FNBP4: variants seen among roughly 807,000 people sequenced by gnomAD.
FNBP4 encodes the protein formin binding protein 4, also known as formin-binding protein 4.
A neutral mutation model predicts 119.3 loss-of-function variants in FNBP4; 34 were observed. The observed-to-expected ratio is 0.28, with a 90% CI of 0.22 to 0.38. The LOEUF (loss-of-function observed/expected upper bound fraction) is 0.38, where lower values mean the gene tolerates loss of function less well. Ranked by LOEUF, FNBP4 falls within the 10% of genes least tolerant of loss-of-function variation. The probability of loss-of-function intolerance (pLI) is 1.00; values close to 1 mark genes in which losing one functional copy is unlikely to be tolerated. For missense variants in FNBP4, 1,112 were observed against 1,228.9 expected (o/e 0.90, Z 1.42); for synonymous variants, 462 against 430.6 (o/e 1.07, Z -0.90).
chr11:47,746,424 T>C (rs2097590382), intron 6 of FNBP4, 30 bp from the exon 7 acceptor site: 1 of 1,529,400 alleles, frequency 6.5e-7, no homozygotes, highest in South Asian at 1.3e-5. Context: ...TTAGTCTCAT[T>C]TAATTCTGAA....
At position 47,717,560 on chromosome 11, in the gene FNBP4, A is replaced by G. The variant is rs578062984; in HGVS notation, c.2964-48T>C. 1.3e-5 allele frequency: 17 copies of G among 1,315,640 alleles called. No homozygotes were observed. In the South Asian group the frequency reaches 1.8e-4, roughly 14 times the overall value. The allele number at this position is 1,315,640 out of a possible 1,614,324, so 81.5% of individuals were successfully genotyped here. A position where few individuals can be genotyped will look rare whatever the true frequency, so the allele number is the denominator to read the frequency against. On this transcript the variant is annotated intron_variant, in intron 16 of 16. Transcript: ENST00000263773. Reference sequence around the variant, plus strand: ...ATTTTAGTGGAAAGAAAAATTAACAAAAGTATTCATTTCCCAGCAAATAAA... The same window carrying G: ...ATTTTAGTGGAAAGAAAAATTAACAGAAGTATTCATTTCCCAGCAAATAAA...
intron 2 of FNBP4, among the ~76,000 whole-genome samples, chr11:47,764,229 G>GC (rs2097642083): frequency 6.6e-6 from 1 of 152,076 alleles, no homozygotes; most frequent in Non-Finnish European, 1.5e-5. Flanking sequence ...TTATAGGTGT[G>GC]CGCCACCATG....
intron 7 of FNBP4, among the ~76,000 whole-genome samples, chr11:47,744,826 T>A (rs2097587197): frequency 6.6e-6 from 1 of 152,202 alleles, no homozygotes. Flanking sequence ...GTCTTATTCA[T>A]TCTTTCTGGT....
chr11:47,741,814 C>A (rs199655973), intron 8 of FNBP4, among the ~76,000 whole-genome samples: 1 of 150,722 alleles, frequency 6.6e-6, no homozygotes, highest in African/African-American at 2.4e-5. Context: ...GACTCCGTCT[C>A]AAAAAAAAAT....
intron 8 of FNBP4, among the ~76,000 whole-genome samples, chr11:47,741,726 G>A (rs189409566): frequency 2.0e-5 from 3 of 152,088 alleles, no homozygotes; most frequent in East Asian, 3.9e-4. Context: ...TGAGGCCGGG[G>A]AATCGCTTGA....
chr11:47,751,711 G>A (rs2097604518), intron 4 of FNBP4, among the ~76,000 whole-genome samples: 1 of 152,094 alleles, frequency 6.6e-6, no homozygotes, highest in Non-Finnish European at 1.5e-5. Flanking sequence ...CCAGCATTTG[G>A]GAGGCCAAGG....
intron 13 of FNBP4, 51 bp from the exon 14 acceptor site, chr11:47,724,223 G>A: frequency 6.3e-7 from 1 of 1,598,840 alleles, no homozygotes; most frequent in Non-Finnish European, 8.5e-7. Context: ...GTTAAACATA[G>A]CCCGCTCCCA....
At position 47,744,027 on chromosome 11, in the gene FNBP4, C is replaced by G; in HGVS notation, c.1382G>C (p.Arg461Pro). ...SKRGKWKMFVRATSPESTSRS... is the reference protein window; with the variant it reads ...SKRGKWKMFVPATSPESTSRS... ...ACTGGTAGATTCTGGACTGGTAGCTCGAACAAACATCTTCCATTTTCCTCT... is the reference window on the plus strand; with the variant it reads ...ACTGGTAGATTCTGGACTGGTAGCTGGAACAAACATCTTCCATTTTCCTCT... Residue 461 changes from arginine (R) to proline (P), a missense_variant, in exon 8 of 17, where the codon CGA becomes CCA. Transcript: ENST00000263773. The G allele has an allele frequency of 1.2e-6, 2 of 1,614,092 alleles. No homozygotes were observed. Among genetic ancestry groups the G allele is most frequent in the South Asian group, 1.1e-5 (1 of 91,082 alleles).
intron 6 of FNBP4, among the ~76,000 whole-genome samples, chr11:47,750,688 CAAAAAAAAAAAAA>C (rs67153479): frequency 7.9e-4 from 54 of 68,078 alleles, no homozygotes; most frequent in Non-Finnish European, 1.1e-3. Context: ...GACTCTGTCT[CAAAAAAAAAAAAA>C]AAAAAAAAAA....
At chr11:47,724,915 T>C in intron 12 of FNBP4, 137 bp from the exon 13 acceptor site, 1 of 1,287,790 alleles carries the variant, frequency 7.8e-7, no homozygotes. Flanking sequence ...CAGAATGTGG[T>C]GTCAAACAGC....
At chr11:47,765,147 AT>A (rs2097644129) in intron 2 of FNBP4, 122 bp downstream of exon 2, 1 of 649,246 alleles carries the variant, frequency 1.5e-6, no homozygotes, top group Non-Finnish European at 2.7e-6. Flanking sequence ...CTTAAATCAT[AT>A]TTTTGGGAGA....
At chr11:47,734,365 T>C (rs1205944468) in intron 9 of FNBP4, among the ~76,000 whole-genome samples, 4 of 152,150 alleles carry the variant, frequency 2.6e-5, no homozygotes, top group African/African-American at 9.7e-5. Context: ...ATAATCACAA[T>C]GCATTTTAAA....
chr11:47,765,384 G>GAAAAA (rs768625297), intron 1 of FNBP4, 22 bp from the exon 2 acceptor site: 11 of 1,185,568 alleles, frequency 9.3e-6, no homozygotes, highest in Non-Finnish European at 1.3e-5. Context: ...AAAAAGAAAA[G>GAAAAA]AAAAGAAAAG....
intron 2 of FNBP4, among the ~76,000 whole-genome samples, chr11:47,759,224 T>C (rs987575315): frequency 6.7e-6 from 1 of 150,290 alleles, no homozygotes; most frequent in Non-Finnish European, 1.5e-5. Flanking sequence ...TGGCTTTTTT[T>C]TTTTGGTATG....
At position 47,751,289 on chromosome 11, in the gene FNBP4, G is replaced by A. The variant is rs374043206; in HGVS notation, c.639C>T (p.Val213=). 54 of 1,613,578 alleles carry A rather than the reference G, an allele frequency of 3.3e-5. No homozygotes were observed. The highest frequency in any genetic ancestry group is 1.2e-4 in the Admixed American group (7 of 59,906). Residue 213 remains valine, a splice_region_variant and synonymous_variant, in exon 5 of 17, where the codon GTC becomes GTT. Transcript: ENST00000263773. The part of the protein sequence containing the change: ...QYDTQCSLAG[V]GIEMGDWQEV... ...CCTGCCAATCGCCCATCTCAATTCC[G>A]ACTAGAAGATAAAACAAATTTTAAG... is the stretch of plus-strand genomic sequence containing the variant.
At chr11:47,720,766 TAA>T (rs200481292) in intron 15 of FNBP4, among the ~76,000 whole-genome samples, 16 of 122,590 alleles carry the variant, frequency 1.3e-4, no homozygotes, top group Non-Finnish European at 1.7e-4. Flanking sequence ...CCAAGTGATT[TAA>T]AAAAAAAAAA....
intron 4 of FNBP4, among the ~76,000 whole-genome samples, chr11:47,752,304 A>G (rs1246063108): frequency 1.3e-5 from 2 of 151,828 alleles, no homozygotes; most frequent in Admixed American, 1.3e-4. Context: ...GGGTGCCTGT[A>G]ATCCCAGCTG....
chr11:47,725,077 T>C (rs2097559587), intron 12 of FNBP4: 1 of 235,334 alleles, frequency 4.2e-6, no homozygotes, highest in Admixed American at 5.3e-5. Flanking sequence ...TGTATTATAC[T>C]TGTCCTTCGG....
intron 6 of FNBP4, 145 bp downstream of exon 6, chr11:47,750,771 T>A: frequency 7.0e-6 from 4 of 570,994 alleles, no homozygotes; most frequent in Non-Finnish European, 5.5e-6. Flanking sequence ...GGCTACATAA[T>A]ACACAGAAAC....
Sources: gnomAD v4.1 joint callset for allele counts (sites outside exome capture counted in the v4.1 genomes callset) on GRCh38, gnomAD v4.1.1 for gene constraint, MANE v1.5 for transcripts, NCBI Gene and HGNC (gene_info 2026-07-23, HGNC 2026-07-21) for gene names.